FAM234A: variants seen among roughly 807,000 people sequenced by gnomAD.
The protein encoded by FAM234A is family with sequence similarity 234 member A, also known as protein FAM234A.
In FAM234A, 42 loss-of-function variants were observed where a neutral mutation model predicts 49.1. The ratio of observed to expected loss-of-function variants is 0.86; its 90% CI spans 0.67 to 1.11. The LOEUF is 1.11. FAM234A is among the 50% of genes least tolerant of loss of function. FAM234A has a pLI of 0.00. For missense variants in FAM234A, 815 were observed against 745.2 expected, an observed-to-expected ratio of 1.09 and a Z score of -1.09; for synonymous variants, 369 against 316.2, an observed-to-expected ratio of 1.17 and a Z score of -1.77.
chr16:250,902 G>A (rs1278671473), intron 2 of FAM234A, among the ~76,000 whole-genome samples: 3 of 152,178 alleles, frequency 2.0e-5, no homozygotes, highest in Non-Finnish European at 4.4e-5. Flanking sequence ...GCATTATGGT[G>A]TAATTATGCA....
rs753072335 is a variant in FAM234A, at chr16:262,487, C to A, written c.905C>A (p.Pro302Gln). The A allele has an allele frequency of 6.2e-7, 1 of 1,612,300 alleles. No homozygotes were observed. Among genetic ancestry groups the A allele is most frequent in the Non-Finnish European group, 8.5e-7 (1 of 1,179,244 alleles). Residue 302 changes from proline (P) to glutamine (Q), a missense_variant, in exon 8 of 13, where the codon CCG becomes CAG. Coordinates refer to ENST00000399932, the MANE Select transcript of FAM234A (RefSeq NM_032039.4). ...LYEKVTGSGG[P>Q]FKSDPHWESM... ...GAGAAGGTGACCGGGAGCGGCGGCC[C>A]GTTCAAGAGTGACCCGCACTGGGAG...
At chr16:237,105 T>C (rs1253441206) in intron 1 of FAM234A, among the ~76,000 whole-genome samples, 1 of 151,896 alleles carries the variant, frequency 6.6e-6, no homozygotes, top group Non-Finnish European at 1.5e-5. Flanking sequence ...GGGTTCTCAC[T>C]GTGTTGCCCA....
chr16:267,032 G>C (rs1410562293), downstream of FAM234A, among the ~76,000 whole-genome samples: 1 of 152,102 alleles, frequency 6.6e-6, no homozygotes, highest in South Asian at 2.1e-4. Flanking sequence ...GCCAAGGGGT[G>C]CCATTGCTGG....
intron 1 of FAM234A, among the ~76,000 whole-genome samples, chr16:238,792 A>G (rs1481642714): frequency 4.2e-5 from 6 of 144,396 alleles, no homozygotes; most frequent in Non-Finnish European, 9.0e-5. Context: ...AAAAAGAAAA[A>G]AAAAATCCCT....
At chr16:269,020 C>A, downstream of FAM234A, 1 of 1,364,592 alleles carries the variant, frequency 7.3e-7, no homozygotes, top group Non-Finnish European at 1.0e-6. Context: ...CAGGCTCTGC[C>A]CTGACCCAAG....
intron 10 of FAM234A, 115 bp downstream of exon 10, chr16:263,890 G>A (rs2051585563): frequency 1.4e-6 from 2 of 1,400,586 alleles, no homozygotes; most frequent in Non-Finnish European, 1.0e-6. Context: ...TGCTGAGAAG[G>A]TTCTGCCTCC....
chr16:254,532 C>T lies in FAM234A; in HGVS notation c.119C>T (p.Pro40Leu). ...GAGGATAACGTGAAAAGCGCGCCTCCACAGTCCCGGCTCTCCCGGTGCCGA... is the reference window on the plus strand; with the variant it reads ...GAGGATAACGTGAAAAGCGCGCCTCTACAGTCCCGGCTCTCCCGGTGCCGA... Reference protein sequence around the residue: ...KNEDNVKSAPPQSRLSRCRAA... With the variant: ...KNEDNVKSAPLQSRLSRCRAA... The change falls in exon 3 of 13, where the codon CCA becomes CTA. Residue 40 changes from proline to leucine, a missense_variant. Transcript: ENST00000399932. 6.2e-7 allele frequency: 1 copy of T among 1,614,252 alleles called. No homozygotes were observed. Among genetic ancestry groups the T allele is most frequent in the Middle Eastern group, 1.7e-4 (1 of 6,058 alleles).
intron 1 of FAM234A, among the ~76,000 whole-genome samples, chr16:244,854 A>ATTTTTTTTTTT (rs1203898846): frequency 1.4e-5 from 2 of 147,376 alleles, no homozygotes; most frequent in Non-Finnish European, 3.0e-5. Context: ...CGCCCGGCTA[A>ATTTTTTTTTTT]TTTTTTTTTG....
chr16:239,712 A>G (rs2050545828), intron 1 of FAM234A, among the ~76,000 whole-genome samples: 1 of 152,016 alleles, frequency 6.6e-6, no homozygotes, highest in Non-Finnish European at 1.5e-5. Flanking sequence ...TATTTTCTGG[A>G]CAGACTACAA....
chr16:261,406 C>T lies in FAM234A; in HGVS notation c.600C>T (p.Ser200=). Residue 200 remains serine (S), a synonymous_variant, in exon 6 of 13, where the codon AGC becomes AGT. Transcript: ENST00000399932. ...TAGGGGAAACCCTGTGGAACCACAG[C>T]AGCAGCTTCAGCGGGAATGCGTCCA... ...LFTGETLWNH[S]SSFSGNASIL... is the part of the protein sequence containing the mutation. 1 of 1,612,786 alleles carries T rather than the reference C, an allele frequency of 6.2e-7. No homozygotes were observed. The highest frequency in any genetic ancestry group is 8.5e-7 in the Non-Finnish European group (1 of 1,179,178).
downstream of FAM234A, among the ~76,000 whole-genome samples, chr16:267,077 G>A (rs1304126180): frequency 6.6e-6 from 1 of 152,138 alleles, no homozygotes; most frequent in African/African-American, 2.4e-5. Flanking sequence ...GGAACAGCCT[G>A]CACCCCCAGA....
chr16:269,026 C>A (rs1448794363), downstream of FAM234A: 2 of 1,289,208 alleles, frequency 1.6e-6, no homozygotes, highest in Non-Finnish European at 1.1e-6. Flanking sequence ...CTGCCCTGAC[C>A]CAAGCTGAGC....
At position 265,010 on chromosome 16, in the gene FAM234A, G is replaced by C; in HGVS notation, c.1647G>C (p.Gln549His). Residue 549 changes from glutamine to histidine, a missense_variant, in exon 13 of 13, where the codon CAG becomes CAC. Transcript: ENST00000399932. ...ACCGGTTCTCCCGGCTGCGGTACCA[G>C]AGTGAGGCGTAGAGGCACGCCAGCC... is the stretch of plus-strand genomic sequence containing the variant. ...IRDRFSRLRY[Q>H]SEA is the part of the protein sequence containing the mutation. The C allele has an allele frequency of 6.2e-7, 1 of 1,607,348 alleles. No individual in the cohort carries two copies.
In FAM234A at chr16:259,987, C is replaced by G; in HGVS notation, c.404C>G (p.Thr135Ser). Residue 135 changes from threonine to serine, a missense_variant, in exon 5 of 13, where the codon ACC (threonine) becomes AGC (serine). Physicochemically the swap from Thr to Ser is moderately conservative, Grantham distance 58. Coordinates refer to ENST00000399932, the MANE Select transcript of FAM234A (RefSeq NM_032039.4). ...CVDEGFSSPC[T>S]FAAAVSGANG... ...CCTACAGGCTTTTCCTCTCCCTGCA[C>G]CTTTGCAGCTGCTGTGTCGGGGGCC... The G allele has an allele frequency of 6.2e-7, 1 of 1,613,422 alleles. No individual in the cohort carries two copies. Among genetic ancestry groups the G allele is most frequent in the Non-Finnish European group, 8.5e-7 (1 of 1,179,938 alleles).
At chr16:269,285 C>G (rs1274234060), downstream of FAM234A, 3 of 1,574,536 alleles carry the variant, frequency 1.9e-6, no homozygotes, top group Non-Finnish European at 2.6e-6. Context: ...CACCCCATCT[C>G]CACCCCCAGG....
rs572841920 is a variant in FAM234A, at chr16:238,638, T to C, written c.-140+3781T>C. On this transcript the variant is annotated intron_variant, in intron 1 of 12. Coordinates refer to ENST00000399932, the MANE Select transcript of FAM234A (RefSeq NM_032039.4). ...AAAATTAGCCAGGCGTGGTGACGGG[T>C]GCCTGTAGTCCCAGCCACTCCGGAG... Among the ~76,000 whole-genome samples, 66 of 150,500 alleles carry C rather than the reference T, an allele frequency of 4.4e-4. 1 individual carries two copies. The highest frequency in any genetic ancestry group is 3.4e-3 in the Middle Eastern group (1 of 294).
intron 1 of FAM234A, among the ~76,000 whole-genome samples, chr16:240,562 G>A (rs1596741964): frequency 6.6e-6 from 1 of 151,376 alleles, no homozygotes; most frequent in Admixed American, 6.6e-5. Context: ...GAGTACAATG[G>A]TGCGATCTCA....
chr16:235,233 C>G (rs989645351), intron 1 of FAM234A, among the ~76,000 whole-genome samples: 2 of 152,218 alleles, frequency 1.3e-5, no homozygotes, highest in Non-Finnish European at 2.9e-5. Context: ...CGCTTTCGCT[C>G]TTGGTGCCGC....
At chr16:263,525 G>T in intron 9 of FAM234A, 123 bp downstream of exon 9, 1 of 1,416,426 alleles carries the variant, frequency 7.1e-7, no homozygotes, top group Non-Finnish European at 9.6e-7. Context: ...CTGCTGCCCG[G>T]GCTTCTTGCC....
Sources: allele counts gnomAD v4.1 joint callset (sites outside exome capture counted in the v4.1 genomes callset), GRCh38; gene constraint gnomAD v4.1.1; transcripts MANE v1.5; gene names NCBI Gene and HGNC (gene_info 2026-07-23, HGNC 2026-07-21).